The following PSMC1 variants were observed in gnomAD, a reference collection of about 807,000 sequenced individuals.
PSMC1 encodes 26S proteasome regulatory subunit 4.
PSMC1 carries 5 observed loss-of-function variants against 49.8 expected under a neutral mutation model. That is an observed-to-expected ratio of 0.10 (90% CI 0.05 to 0.21). The LOEUF (loss-of-function observed/expected upper bound fraction) is 0.21. PSMC1 is among the 10% of genes least tolerant of loss of function. The probability of loss-of-function intolerance (pLI) is 1.00; values close to 1 mark genes in which losing one functional copy is unlikely to be tolerated. For missense variants in PSMC1, 181 were observed against 535.7 expected, an observed-to-expected ratio of 0.34 and a Z score of 6.54; for synonymous variants, 155 against 192.1, an observed-to-expected ratio of 0.81 and a Z score of 1.60.
chr14:90,269,671 AT>A (rs1430247098), intron 9 of PSMC1, 123 bp downstream of exon 9: 6 of 1,131,640 alleles, frequency 5.3e-6, no homozygotes, highest in Non-Finnish European at 7.5e-6. Flanking sequence ...ACTTAGGATA[AT>A]TTACAAAAAA....
intron 1 of PSMC1, among the ~76,000 whole-genome samples, chr14:90,257,992 C>T (rs926491478): frequency 4.3e-4 from 66 of 152,226 alleles, no homozygotes; most frequent in Admixed American, 4.3e-3. Context: ...GAGGTAATTA[C>T]TACTGTCCTC....
chr14:90,270,591 G>C, intron 10 of PSMC1: 1 of 420,606 alleles, frequency 2.4e-6, no homozygotes, highest in Non-Finnish European at 4.2e-6. Context: ...CTGAGTCGCT[G>C]GTACTAAGCC....
intron 3 of PSMC1, among the ~76,000 whole-genome samples, chr14:90,260,491 G>A (rs1713248030): frequency 6.6e-6 from 1 of 152,194 alleles, no homozygotes; most frequent in African/African-American, 2.4e-5. Flanking sequence ...CAGCACTTTG[G>A]GAGGCCGAGG....
chr14:90,259,312 T>A, intron 2 of PSMC1, 99 bp downstream of exon 2: 1 of 1,145,988 alleles, frequency 8.7e-7, no homozygotes, highest in Non-Finnish European at 1.3e-6. Flanking sequence ...TTTTAAAAAG[T>A]AGAATGATCC....
In PSMC1 at chr14:90,263,830, G is replaced by C; in HGVS notation, c.448G>C (p.Val150Leu). 1 of 1,614,150 alleles carries C rather than the reference G, an allele frequency of 6.2e-7. No homozygotes were observed. Among genetic ancestry groups the C allele is most frequent in the Non-Finnish European group, 8.5e-7 (1 of 1,180,006 alleles). The change falls in exon 5 of 11, where the codon GTC becomes CTC. Residue 150 changes from valine to leucine, a missense_variant. By Grantham distance (32) the Val-to-Leu change is conservative (BLOSUM62 1). Around this residue, in one of 3 missense-constraint regions of PSMC1, gnomAD observed 121 missense variants for 358.6 expected, o/e 0.34. Transcript: ENST00000261303. The part of the protein sequence containing the change: ...DKDLLEPGCS[V>L]LLNHKVHAVI... ...GGATCTGCTGGAACCTGGCTGCTCG[G>C]TCCTGCTCAACCACAAGGTGAGGTG...
chr14:90,268,330 C>T lies in PSMC1; in HGVS notation c.798C>T (p.Leu266=), dbSNP rs748202027. The T allele has an allele frequency of 1.8e-5, 29 of 1,613,308 alleles. No homozygotes were observed. The highest frequency in any genetic ancestry group is 4.0e-5 in the African/African-American group (3 of 74,886). The stretch of plus-strand genomic sequence containing the variant: ...AGTACCTAGGTGATGGGCCCAAACT[C>T]GTACGGGAATTGTTCCGAGTTGCTG... ...IQKYLGDGPK[L]VRELFRVAEE... is the part of the protein sequence containing the mutation. The change falls in exon 8 of 11, where the codon CTC becomes CTT. Residue 266 remains leucine (L), a synonymous_variant. Coordinates refer to ENST00000261303, the MANE Select transcript of PSMC1 (RefSeq NM_002802.3).
At position 90,273,878 on chromosome 14, in the gene PSMC1, C is replaced by T. The variant is rs1228585313; in HGVS notation, c.*1471C>T. On this transcript the variant is annotated 3_prime_UTR_variant, in exon 11 of 11. Coordinates refer to ENST00000261303, the MANE Select transcript of PSMC1 (RefSeq NM_002802.3). ...AGCAGGCCCAGTCCCTCTCTCCCAC[C>T]GACCCTTCTTTCTGCCTGCCTTTTC... 6.5e-6 allele frequency: 1 copy of T among 154,960 alleles called. No homozygotes were observed. Among genetic ancestry groups the T allele is most frequent in the African/African-American group, 2.4e-5 (1 of 41,532 alleles). The allele number at this position is 154,960 out of a possible 1,614,324, so 9.6% of individuals were successfully genotyped here.
Position 90,272,195 on chromosome 14 carries a change from C to T in PSMC1, c.1189-78C>T. Reference sequence around the variant, plus strand: ...AGGTGTGAGCCACCGCGCCTGGCCTCAGAATAGGTTTTTTGGAATTCCTTG... The same window carrying T: ...AGGTGTGAGCCACCGCGCCTGGCCTTAGAATAGGTTTTTTGGAATTCCTTG... On this transcript the variant is annotated intron_variant, in intron 10 of 10. Transcript: ENST00000261303. The surrounding 1 kb of genome is among the most constrained non-coding windows in gnomAD (Gnocchi z 4.5). The T allele has an allele frequency of 1.3e-6, 2 of 1,550,764 alleles. No individual in the cohort carries two copies. Among genetic ancestry groups the T allele is most frequent in the Non-Finnish European group, 1.7e-6 (2 of 1,146,020 alleles).
intron 7 of PSMC1, among the ~76,000 whole-genome samples, chr14:90,267,185 A>G (rs1280933169): frequency 2.0e-5 from 3 of 149,862 alleles, no homozygotes; most frequent in Non-Finnish European, 4.4e-5. Context: ...GCTGGAGTGC[A>G]ATGGCGCGAT....
At chr14:90,260,082 G>T (rs1566671328) in intron 2 of PSMC1, 33 bp from the exon 3 acceptor site, 1 of 1,078,900 alleles carries the variant, frequency 9.3e-7, no homozygotes, top group Non-Finnish European at 1.3e-6. Context: ...ATTTTCATGT[G>T]ATTTTTTTTT....
chr14:90,266,258 A>C (rs531344771), intron 7 of PSMC1, among the ~76,000 whole-genome samples: 15 of 152,182 alleles, frequency 9.9e-5, no homozygotes, highest in African/African-American at 3.4e-4. Flanking sequence ...ATCTCCAAAA[A>C]AAAAAACAAA....
rs1287636629 is a variant in PSMC1 at position 90,274,328 on chromosome 14, G to A, written c.*1921G>A. The A allele has an allele frequency of 6.4e-6, 1 of 155,882 alleles. No individual in the cohort carries two copies. The highest frequency in any genetic ancestry group is 2.4e-5 in the African/African-American group (1 of 41,506). The allele number at this position is 155,882 out of a possible 1,614,324, so 9.7% of individuals were successfully genotyped here. On this transcript the variant is annotated 3_prime_UTR_variant, in exon 11 of 11. Coordinates refer to ENST00000261303, the MANE Select transcript of PSMC1 (RefSeq NM_002802.3). ...CAGTATGAGAGCCCAAGTGGGTGAG[G>A]AAGGCATCTGCAGGGACGGGGTGGT...
intron 2 of PSMC1, among the ~76,000 whole-genome samples, chr14:90,259,690 C>T (rs1464078406): frequency 2.0e-5 from 3 of 152,102 alleles, no homozygotes; most frequent in Non-Finnish European, 2.9e-5. Context: ...GGCATGATCT[C>T]GGCTCACTGC....
At chr14:90,269,334 G>A (rs369987532) in intron 8 of PSMC1, 63 bp from the exon 9 acceptor site, 2 of 1,441,148 alleles carry the variant, frequency 1.4e-6, no homozygotes, top group East Asian at 2.3e-5. Context: ...GGTCTTTGCT[G>A]TAATTCCCCT....
rs756889225 is a variant in PSMC1 at position 90,265,059 on chromosome 14, G to A, written c.595-11G>A. 2 of 1,589,970 alleles carry A rather than the reference G, an allele frequency of 1.3e-6. No homozygotes were observed. The highest frequency in any genetic ancestry group is 3.4e-5 in the Admixed American group (2 of 59,466). The stretch of plus-strand genomic sequence containing the variant: ...TTCAGTAAAGCCTTTCATTCATACT[G>A]TTTTTCATAGGAATCTGTGGAGCTT... On this transcript the variant is annotated splice_polypyrimidine_tract_variant and intron_variant, in intron 6 of 10. Coordinates refer to ENST00000261303, the MANE Select transcript of PSMC1 (RefSeq NM_002802.3).
In PSMC1 at chr14:90,274,725, CTG is replaced by C; in HGVS notation, c.*2319_*2320del. On this transcript the variant is annotated 3_prime_UTR_variant, in exon 11 of 11. Transcript: ENST00000261303. Reference sequence around the variant, plus strand: ...TTCCACTGGCCAAACTCGGGACAATCTGAGCATCCTAACAAACAGTTACTATT... The same window carrying C: ...TTCCACTGGCCAAACTCGGGACAATCAGCATCCTAACAAACAGTTACTATT... 1 of 150,664 alleles carries C rather than the reference CTG, an allele frequency of 6.6e-6. No individual in the cohort carries two copies. Among genetic ancestry groups the C allele is most frequent in the South Asian group, 2.1e-4 (1 of 4,708 alleles). 9.3% of individuals were successfully genotyped at this position (150,664 alleles called of 1,614,324 possible). A position where few individuals can be genotyped will look rare whatever the true frequency, so the allele number is the denominator to read the frequency against.
In PSMC1 at chr14:90,270,504, A is replaced by G; in HGVS notation, c.1188+152A>G. On this transcript the variant is annotated intron_variant, in intron 10 of 10. Transcript: ENST00000261303. ...GTTTACGATTACATCCAAATGGTAT[A>G]TGTGCTTGATATTGAAGTCATTCTT... 6 of 829,152 alleles carry G rather than the reference A, an allele frequency of 7.2e-6. No individual in the cohort carries two copies. The Middle Eastern group carries it at 1.3e-3, about 174-fold the overall frequency. The allele number at this position is 829,152 out of a possible 1,614,324, so 51.4% of individuals were successfully genotyped here. A position where few individuals can be genotyped will look rare whatever the true frequency, so the allele number is the denominator to read the frequency against.
In PSMC1 at chr14:90,264,143, T is replaced by C. The variant is rs1225186427; in HGVS notation, c.568T>C (p.Leu190=). Residue 190 remains leucine, a synonymous_variant, in exon 6 of 11, where the codon TTG becomes CTG. Coordinates refer to ENST00000261303, the MANE Select transcript of PSMC1 (RefSeq NM_002802.3). ...GGAGACCTATGCAGATATTGGGGGGTTGGACAACCAAATTCAGGAAATTAA... is the reference window on the plus strand; with the variant it reads ...GGAGACCTATGCAGATATTGGGGGGCTGGACAACCAAATTCAGGAAATTAA... ...PQETYADIGG[L]DNQIQEIKES... 1.2e-6 allele frequency: 2 copies of C among 1,611,690 alleles called. No individual in the cohort carries two copies. Among genetic ancestry groups the C allele is most frequent in the Middle Eastern group, 1.7e-4 (1 of 6,056 alleles).
chr14:90,266,538 C>T (rs1323175171), intron 7 of PSMC1, among the ~76,000 whole-genome samples: 2 of 152,200 alleles, frequency 1.3e-5, no homozygotes, highest in South Asian at 4.1e-4. Context: ...GCCCAAGGCC[C>T]CTGTGGGAGT....
Sources: gnomAD v4.1 joint callset for allele counts (sites outside exome capture counted in the v4.1 genomes callset) on GRCh38, gnomAD v4.1.1 for gene constraint, gnomAD v4.1.1 regional missense constraint, Gnocchi (gnomAD v3.1) non-coding constraint, MANE v1.5 for transcripts, NCBI Gene and HGNC (gene_info 2026-07-23, HGNC 2026-07-21) for gene names.